The following GAS2 variants were observed in gnomAD, a reference collection of about 807,000 sequenced individuals.
GAS2 encodes growth arrest specific 2.
Under a neutral mutation model 37.5 loss-of-function variants are expected in GAS2, and 20 were observed. The ratio of observed to expected loss-of-function variants is 0.53; its 90% CI spans 0.37 to 0.77. GAS2 has a LOEUF of 0.77. Ranked by LOEUF, GAS2 falls within the 30% of genes least tolerant of loss-of-function variation. The pLI is 0.00. For missense variants in GAS2, 336 were observed against 373.4 expected, an observed-to-expected ratio of 0.90 and a Z score of 0.82; for synonymous variants, 144 against 132.2, an observed-to-expected ratio of 1.09 and a Z score of -0.61.
At chr11:22,649,806 C>CT (rs1415278161) in intron 1 of GAS2, among the ~76,000 whole-genome samples, 1 of 151,920 alleles carries the variant, frequency 6.6e-6, no homozygotes. Context: ...ATTCTTCTCT[C>CT]TTTTTTTCTT....
rs550935705 is a variant in GAS2, at chr11:22,751,501, A to G, written c.615+2240A>G. ...CAAAGACCATATTTTATCGATCTACATCCAGTACTGTGTTTTTTGGATATA... is the reference window on the plus strand; with the variant it reads ...CAAAGACCATATTTTATCGATCTACGTCCAGTACTGTGTTTTTTGGATATA... On this transcript the variant is annotated intron_variant, in intron 6 of 7. Coordinates refer to ENST00000454584, the MANE Select transcript of GAS2 (RefSeq NM_001143830.3). Among the ~76,000 whole-genome samples the G allele has an allele frequency of 3.3e-5, 5 of 152,100 alleles. No individual in the cohort carries two copies. In the East Asian group the frequency reaches 9.7e-4, roughly 29 times the overall value.
At chr11:22,770,048 C>G (rs1485889380) in intron 7 of GAS2, among the ~76,000 whole-genome samples, 3 of 152,090 alleles carry the variant, frequency 2.0e-5, no homozygotes, top group Non-Finnish European at 4.4e-5. Flanking sequence ...AACACAGGAA[C>G]AGAAAACCAA....
chr11:22,648,584 T>A (rs1848732956), intron 1 of GAS2, among the ~76,000 whole-genome samples: 1 of 152,198 alleles, frequency 6.6e-6, no homozygotes, highest in Admixed American at 6.5e-5. Context: ...TTTGTTTGTA[T>A]CCTCTTTTAT....
At chr11:22,737,818 C>G in intron 5 of GAS2, 50 bp downstream of exon 5, 1 of 1,514,322 alleles carries the variant, frequency 6.6e-7, no homozygotes, top group Non-Finnish European at 9.2e-7. Context: ...TTTCAGCATC[C>G]AAGCAACACA....
intron 7 of GAS2, among the ~76,000 whole-genome samples, chr11:22,782,857 C>G (rs1157006804): frequency 3.3e-5 from 5 of 150,204 alleles, no homozygotes; most frequent in African/African-American, 1.2e-4. Flanking sequence ...CTGATGGCCA[C>G]CTAGGTTGAT....
At chr11:22,747,227 C>G (rs546763610) in intron 5 of GAS2, among the ~76,000 whole-genome samples, 3 of 152,200 alleles carry the variant, frequency 2.0e-5, no homozygotes, top group African/African-American at 7.2e-5. Flanking sequence ...CAAATGGTAG[C>G]TGTTAGGTTA....
At chr11:22,776,574 A>G (rs1436730161) in intron 7 of GAS2, among the ~76,000 whole-genome samples, 2 of 152,204 alleles carry the variant, frequency 1.3e-5, no homozygotes, top group African/African-American at 4.8e-5. Flanking sequence ...AGTTGTCAAT[A>G]TCATCTATTT....
At chr11:22,691,157 G>A (rs1850229285) in intron 3 of GAS2, among the ~76,000 whole-genome samples, 1 of 152,118 alleles carries the variant, frequency 6.6e-6, no homozygotes, top group Non-Finnish European at 1.5e-5. Context: ...GTAGAATGCT[G>A]CATTATGCTC....
At chr11:22,759,150 G>A (rs1854229099) in intron 7 of GAS2, among the ~76,000 whole-genome samples, 2 of 152,022 alleles carry the variant, frequency 1.3e-5, no homozygotes, top group African/African-American at 4.8e-5. Flanking sequence ...AACTATGAAT[G>A]AAAAAATAAG....
intron 1 of GAS2, among the ~76,000 whole-genome samples, chr11:22,652,867 A>G (rs558907186): frequency 1.4e-3 from 220 of 152,292 alleles, no homozygotes; most frequent in African/African-American, 4.7e-3. Context: ...TGGAAATGCA[A>G]AAATCACCCG....
chr11:22,628,073 C>T (rs947938862), intron 1 of GAS2, among the ~76,000 whole-genome samples: 5 of 152,176 alleles, frequency 3.3e-5, no homozygotes, highest in Non-Finnish European at 2.9e-5. Context: ...AGCATAGTAA[C>T]GTATAAACTC....
chr11:22,643,025 G>T (rs1848648402), intron 1 of GAS2, among the ~76,000 whole-genome samples: 1 of 151,632 alleles, frequency 6.6e-6, no homozygotes, highest in African/African-American at 2.4e-5. Context: ...TTATATTTTG[G>T]CTCCATTTTA....
intron 7 of GAS2, among the ~76,000 whole-genome samples, chr11:22,764,989 G>T (rs1476552195): frequency 6.6e-6 from 1 of 152,100 alleles, no homozygotes; most frequent in East Asian, 1.9e-4. Flanking sequence ...GCTGTATCTA[G>T]AATCAATGTA....
intron 3 of GAS2, among the ~76,000 whole-genome samples, chr11:22,710,672 G>T (rs922932278): frequency 3.9e-5 from 6 of 152,094 alleles, no homozygotes; most frequent in African/African-American, 1.2e-4. Flanking sequence ...GAATCTGAGG[G>T]TTGTCACACC....
intron 5 of GAS2, among the ~76,000 whole-genome samples, chr11:22,740,680 C>T (rs903487408): frequency 4.6e-5 from 7 of 152,126 alleles, no homozygotes; most frequent in Non-Finnish European, 1.5e-5. Flanking sequence ...TACTGTTTTA[C>T]CCCTGTGTTG....
At chr11:22,697,867 A>G (rs1312600669) in intron 3 of GAS2, among the ~76,000 whole-genome samples, 1 of 152,110 alleles carries the variant, frequency 6.6e-6, no homozygotes, top group East Asian at 1.9e-4. Context: ...GGTTTTCTAG[A>G]TATACAATCA....
chr11:22,674,813 T>C, intron 1 of GAS2, 37 bp from the exon 2 acceptor site: 1 of 1,481,462 alleles, frequency 6.8e-7, no homozygotes. Context: ...GAGAGAAGTC[T>C]GTATAAAAAG....
chr11:22,691,121 G>A lies in GAS2; in HGVS notation c.267+5332G>A, dbSNP rs922179003. Among the ~76,000 whole-genome samples the A allele has an allele frequency of 2.4e-4, 36 of 152,000 alleles. 1 individual carries two copies. The highest frequency in any genetic ancestry group is 2.0e-3 in the Admixed American group (30 of 15,226). ...GTTTGAAGCAGATGAAGGAGGGGGCGGGGGGAAAAGAAGTTCTGTTACCTA... is the reference window on the plus strand; with the variant it reads ...GTTTGAAGCAGATGAAGGAGGGGGCAGGGGGAAAAGAAGTTCTGTTACCTA... On this transcript the variant is annotated intron_variant, in intron 3 of 7. Coordinates refer to ENST00000454584, the MANE Select transcript of GAS2 (RefSeq NM_001143830.3).
intron 3 of GAS2, among the ~76,000 whole-genome samples, chr11:22,711,593 C>G (rs372318971): frequency 6.6e-6 from 1 of 152,178 alleles, no homozygotes; most frequent in Non-Finnish European, 1.5e-5. Context: ...TCAATTGGGA[C>G]GCTTATAGCC....
Sources: allele counts gnomAD v4.1 joint callset (sites outside exome capture counted in the v4.1 genomes callset), GRCh38; gene constraint gnomAD v4.1.1; transcripts MANE v1.5; gene names NCBI Gene and HGNC (gene_info 2026-07-23, HGNC 2026-07-21).